Variants in SCHIP1 observed in about 807,000 individuals in gnomAD.
The protein encoded by SCHIP1 is schwannomin-interacting protein 1.
SCHIP1 carries 8 observed loss-of-function variants against 29.7 expected under a neutral mutation model. The ratio of observed to expected loss-of-function variants is 0.27; its 90% CI spans 0.16 to 0.49. The LOEUF (loss-of-function observed/expected upper bound fraction) is 0.49, where lower values mean the gene tolerates loss of function less well. Ranked by LOEUF, SCHIP1 falls within the 20% of genes least tolerant of loss-of-function variation. The pLI is 0.99. For missense variants in SCHIP1, 193 were observed against 294.6 expected (o/e 0.66, Z 2.52); for synonymous variants, 76 against 94.9 (o/e 0.80, Z 1.16).
the SCHIP1 span, among the ~76,000 whole-genome samples, chr3:159,299,361 T>C: frequency 2.0e-5 from 3 of 152,128 alleles, no homozygotes; most frequent in African/African-American, 7.2e-5. Context: ...GAATAGGAAG[T>C]CTATACAGGT....
chr3:159,501,898 T>C, the SCHIP1 span, among the ~76,000 whole-genome samples: 3 of 152,206 alleles, frequency 2.0e-5, no homozygotes, highest in Non-Finnish European at 4.4e-5. Flanking sequence ...ATGAGGAAAC[T>C]GAATGAGAAT....
At chr3:159,647,444 G>T in the SCHIP1 span, among the ~76,000 whole-genome samples, 6 of 152,076 alleles carry the variant, frequency 3.9e-5, no homozygotes, top group Non-Finnish European at 8.8e-5. Flanking sequence ...CAGGGAAGGG[G>T]ACTGTAGATC....
chr3:159,387,745 C>A, the SCHIP1 span, among the ~76,000 whole-genome samples: 2 of 152,252 alleles, frequency 1.3e-5, no homozygotes, highest in African/African-American at 4.8e-5. Context: ...TACACACACA[C>A]CACACAAACA....
the SCHIP1 span, among the ~76,000 whole-genome samples, chr3:159,275,477 A>G: frequency 3.9e-5 from 6 of 152,136 alleles, no homozygotes; most frequent in Non-Finnish European, 4.4e-5. Context: ...TTGCTGTGAA[A>G]TGGTGTCAGA....
chr3:159,625,857 G>A, the SCHIP1 span, among the ~76,000 whole-genome samples: 8 of 151,890 alleles, frequency 5.3e-5, no homozygotes, highest in East Asian at 1.9e-4. Flanking sequence ...AAGTTAATAC[G>A]TAGATCAACT....
the SCHIP1 span, among the ~76,000 whole-genome samples, chr3:159,361,119 G>A: frequency 0.14 from 21,262 of 152,140 alleles, 1,751 homozygotes; most frequent in African/African-American, 0.2. Flanking sequence ...AGCTTGTGAA[G>A]ACAAATAATA....
chr3:159,326,316 G>C, the SCHIP1 span, among the ~76,000 whole-genome samples: 2 of 152,010 alleles, frequency 1.3e-5, no homozygotes, highest in African/African-American at 4.8e-5. Flanking sequence ...ATTGAACCTG[G>C]ACTCAGTATT....
the SCHIP1 span, among the ~76,000 whole-genome samples, chr3:159,810,475 C>T: frequency 5.9e-5 from 9 of 152,232 alleles, no homozygotes; most frequent in African/African-American, 2.2e-4. Flanking sequence ...AGTCTATCCT[C>T]ATTCCTACTA....
chr3:159,649,689 G>A, the SCHIP1 span, among the ~76,000 whole-genome samples: 1 of 152,286 alleles, frequency 6.6e-6, no homozygotes, highest in Admixed American at 6.5e-5. Context: ...AACAAAATAG[G>A]TATGCTGTGA....
the SCHIP1 span, among the ~76,000 whole-genome samples, chr3:159,694,544 GAAA>G: frequency 1.9e-4 from 3 of 16,070 alleles, no homozygotes; most frequent in East Asian, 2.7e-3. Flanking sequence ...AGACAAGAAA[GAAA>G]GAAAGAAAGA....
chr3:159,834,855 ACC>A, the SCHIP1 span, among the ~76,000 whole-genome samples: 4 of 152,196 alleles, frequency 2.6e-5, no homozygotes, highest in African/African-American at 9.7e-5. Context: ...TCGTGTTTAG[ACC>A]TGGGTACCAT....
At chr3:159,331,865 G>A in the SCHIP1 span, among the ~76,000 whole-genome samples, 1 of 152,070 alleles carries the variant, frequency 6.6e-6, no homozygotes, top group African/African-American at 2.4e-5. Context: ...GATAGCACAG[G>A]GTACTGCATG....
At chr3:159,579,879 G>A in the SCHIP1 span, among the ~76,000 whole-genome samples, 1 of 151,994 alleles carries the variant, frequency 6.6e-6, no homozygotes, top group Non-Finnish European at 1.5e-5. Context: ...ATCAGTAGAG[G>A]AAGCAAAGGA....
the SCHIP1 span, among the ~76,000 whole-genome samples, chr3:159,537,003 G>C: frequency 6.6e-6 from 1 of 152,064 alleles, no homozygotes. Flanking sequence ...ATGTCATGTT[G>C]GTAGTTTAAA....
the SCHIP1 span, among the ~76,000 whole-genome samples, chr3:159,792,014 GC>G: frequency 3.9e-5 from 6 of 152,044 alleles, no homozygotes; most frequent in Non-Finnish European, 8.8e-5. Context: ...GAACGTGTGT[GC>G]CCATAATAAT....
At chr3:159,348,519 G>A in the SCHIP1 span, among the ~76,000 whole-genome samples, 1 of 151,948 alleles carries the variant, frequency 6.6e-6, no homozygotes, top group Non-Finnish European at 1.5e-5. Flanking sequence ...CTTTGCATTG[G>A]CATGATTTCT....
the SCHIP1 span, among the ~76,000 whole-genome samples, chr3:159,626,283 G>GATAC: frequency 4.1e-5 from 6 of 145,098 alleles, no homozygotes; most frequent in Non-Finnish European, 7.5e-5. Flanking sequence ...TAGATAGATA[G>GATAC]ATAGATAGAT....
At chr3:159,872,392 T>C (rs986224335) in intron 2 of SCHIP1, among the ~76,000 whole-genome samples, 2 of 152,058 alleles carry the variant, frequency 1.3e-5, no homozygotes, top group Non-Finnish European at 2.9e-5. Flanking sequence ...TAATTGCCCC[T>C]TTCCATGCCT....
chr3:159,883,040 G>A (rs368871936), intron 2 of SCHIP1, among the ~76,000 whole-genome samples: 10 of 152,262 alleles, frequency 6.6e-5, no homozygotes, highest in Non-Finnish European at 8.8e-5. Context: ...CAGTAGCTCC[G>A]GGCAGCAGCG....
Sources: gnomAD v4.1 joint callset for allele counts (sites outside exome capture counted in the v4.1 genomes callset) on GRCh38, gnomAD v4.1.1 for gene constraint, MANE v1.5 for transcripts, NCBI Gene and HGNC (gene_info 2026-07-23, HGNC 2026-07-21) for gene names.